The following MFHAS1 variants were observed in gnomAD, a reference collection of about 807,000 sequenced individuals.
The protein encoded by MFHAS1 is multifunctional ROCO family signaling regulator 1.
MFHAS1 carries 50 observed loss-of-function variants against 70.4 expected under a neutral mutation model. The observed-to-expected ratio is 0.71, with a 90% CI of 0.57 to 0.90. MFHAS1 has a LOEUF of 0.90. Ranked by LOEUF, MFHAS1 falls within the 40% of genes least tolerant of loss-of-function variation. The pLI is 0.00. For synonymous variants in MFHAS1, 952 were observed against 620.0 expected (o/e 1.54, Z -7.96); for missense variants, 1,795 against 1,347.6 (o/e 1.33, Z -5.20).
intron 1 of MFHAS1, among the ~76,000 whole-genome samples, chr8:8,834,277 G>A (rs970402441): frequency 2.0e-5 from 3 of 152,042 alleles, no homozygotes; most frequent in African/African-American, 7.3e-5. Flanking sequence ...CATCATAGCC[G>A]CCATAACTCA....
chr8:8,818,233 T>C (rs1169250030), intron 1 of MFHAS1, among the ~76,000 whole-genome samples: 1 of 148,894 alleles, frequency 6.7e-6, no homozygotes, highest in Admixed American at 6.7e-5. Context: ...CCCTTTGTGG[T>C]TGAAGACAAT....
At chr8:8,792,174 T>C (rs576098579) in intron 2 of MFHAS1, among the ~76,000 whole-genome samples, 8 of 151,000 alleles carry the variant, frequency 5.3e-5, no homozygotes, top group Non-Finnish European at 1.2e-4. Flanking sequence ...GGGGCAGAGG[T>C]TGCAGTGAGC....
chr8:8,843,142 G>T (rs1426312813), intron 1 of MFHAS1, among the ~76,000 whole-genome samples: 1 of 152,082 alleles, frequency 6.6e-6, no homozygotes, highest in Admixed American at 6.5e-5. Context: ...GGTGGCGGGC[G>T]CCTGTAGTCC....
chr8:8,830,244 G>T (rs1270446297), intron 1 of MFHAS1, among the ~76,000 whole-genome samples: 2 of 152,178 alleles, frequency 1.3e-5, no homozygotes, highest in African/African-American at 4.8e-5. Flanking sequence ...GCTCAAGGAA[G>T]AAATGACTGT....
chr8:8,803,920 C>T (rs1256651914), intron 1 of MFHAS1, among the ~76,000 whole-genome samples: 1 of 152,044 alleles, frequency 6.6e-6, no homozygotes, highest in Non-Finnish European at 1.5e-5. Flanking sequence ...TTCAGTAAGC[C>T]GAGACTGTGC....
intron 1 of MFHAS1, among the ~76,000 whole-genome samples, chr8:8,860,590 C>T (rs1808624598): frequency 6.6e-6 from 1 of 152,126 alleles, no homozygotes; most frequent in Admixed American, 6.5e-5. Flanking sequence ...AGTGGCTCTG[C>T]CACCATCACA....
intron 1 of MFHAS1, among the ~76,000 whole-genome samples, chr8:8,840,035 T>A (rs1051854983): frequency 1.3e-5 from 2 of 152,222 alleles, no homozygotes; most frequent in African/African-American, 4.8e-5. Flanking sequence ...TATACACATA[T>A]ATGTTTGTAC....
At chr8:8,844,448 C>A (rs1264178284) in intron 1 of MFHAS1, among the ~76,000 whole-genome samples, 1 of 152,190 alleles carries the variant, frequency 6.6e-6, no homozygotes, top group African/African-American at 2.4e-5. Flanking sequence ...ACAAATAAGC[C>A]TAGGCATATA....
intron 1 of MFHAS1, among the ~76,000 whole-genome samples, chr8:8,839,645 A>C (rs1339331332): frequency 6.6e-6 from 1 of 152,224 alleles, no homozygotes; most frequent in Non-Finnish European, 1.5e-5. Flanking sequence ...ACAAACTTTG[A>C]AAATCACCAA....
chr8:8,815,135 T>G (rs989358701), intron 1 of MFHAS1, among the ~76,000 whole-genome samples: 2 of 152,234 alleles, frequency 1.3e-5, no homozygotes, highest in African/African-American at 4.8e-5. Context: ...TCTGTTCCTG[T>G]GTTAGTTTGC....
intron 1 of MFHAS1, among the ~76,000 whole-genome samples, chr8:8,883,976 C>T (rs910311771): frequency 3.3e-5 from 5 of 150,262 alleles, no homozygotes; most frequent in South Asian, 2.1e-4. Context: ...GTGGGGAGGA[C>T]CATTTGAGGC....
chr8:8,888,014 A>G (rs1463630230), intron 1 of MFHAS1, among the ~76,000 whole-genome samples: 4 of 152,226 alleles, frequency 2.6e-5, no homozygotes, highest in African/African-American at 9.6e-5. Flanking sequence ...TTGCTCCTTC[A>G]GTAAACTACC....
chr8:8,892,618 C>CAGCT lies in MFHAS1; in HGVS notation c.437_440dup (p.Pro148AlafsTer22). The CAGCT allele has an allele frequency of 6.2e-7, 1 of 1,607,592 alleles. No homozygotes were observed. Among genetic ancestry groups the CAGCT allele is most frequent in the Non-Finnish European group, 8.5e-7 (1 of 1,177,582 alleles). ...CGCCCAGCTGGGCGGGCAGGGCGGG[C>CAGCT]AGCTGGTTGTGGCTGAGGTTGAGCT... On this transcript the variant is annotated frameshift_variant, in exon 1 of 3. Coordinates refer to ENST00000276282, the MANE Select transcript of MFHAS1 (RefSeq NM_004225.3). LOFTEE classifies it high-confidence loss of function. This position sits in a 1 kb window ranked among gnomAD's most constrained non-coding sequence, Gnocchi z 4.7.
chr8:8,786,430 CA>C (rs1805545453), intron 2 of MFHAS1, among the ~76,000 whole-genome samples: 1 of 152,166 alleles, frequency 6.6e-6, no homozygotes, highest in Admixed American at 6.5e-5. Context: ...CGGTCACACG[CA>C]GACACACACC....
chr8:8,792,333 G>C (rs1805746131), intron 2 of MFHAS1, among the ~76,000 whole-genome samples: 1 of 152,170 alleles, frequency 6.6e-6, no homozygotes, highest in Admixed American at 6.5e-5. Flanking sequence ...CGGGCGCGTG[G>C]CTCACGCCTG....
chr8:8,829,243 G>C lies in MFHAS1; in HGVS notation c.2999-31752C>G, dbSNP rs145947462. Among the ~76,000 whole-genome samples the C allele has an allele frequency of 2.0e-5, 3 of 152,314 alleles. No homozygotes were observed. In the East Asian group the frequency reaches 5.8e-4, roughly 29 times the overall value. On this transcript the variant is annotated intron_variant, in intron 1 of 2. Transcript: ENST00000276282. ...CCTGAGTCTGGCAGATTCCAACTCA[G>C]TATGTGTACCGGGCTGCACCCCCAC...
intron 1 of MFHAS1, among the ~76,000 whole-genome samples, chr8:8,829,015 T>C (rs911657405): frequency 2.6e-5 from 4 of 152,096 alleles, no homozygotes; most frequent in Admixed American, 6.6e-5. Flanking sequence ...AAATCTATTC[T>C]CCCCAGCCTC....
At chr8:8,842,729 G>A (rs929738417) in intron 1 of MFHAS1, among the ~76,000 whole-genome samples, 16 of 152,166 alleles carry the variant, frequency 1.1e-4, no homozygotes, top group African/African-American at 3.6e-4. Context: ...CCAGGTGATC[G>A]GACAGCACGT....
chr8:8,838,424 G>T (rs554296141), intron 1 of MFHAS1, among the ~76,000 whole-genome samples: 1 of 152,042 alleles, frequency 6.6e-6, no homozygotes, highest in Non-Finnish European at 1.5e-5. Context: ...AAAATTTTAC[G>T]CTATCCTGCT....
Sources: allele counts gnomAD v4.1 joint callset (sites outside exome capture counted in the v4.1 genomes callset), GRCh38; gene constraint gnomAD v4.1.1; non-coding constraint Gnocchi (gnomAD v3.1); transcripts MANE v1.5; gene names NCBI Gene and HGNC (gene_info 2026-07-23, HGNC 2026-07-21).